The following TGFA variants were observed in gnomAD, a reference collection of about 807,000 sequenced individuals.
TGFA encodes the protein transforming growth factor alpha.
A neutral mutation model predicts 21.7 loss-of-function variants in TGFA; 12 were observed. The ratio of observed to expected loss-of-function variants is 0.55; its 90% confidence interval spans 0.35 to 0.90. The LOEUF is 0.90. Among genes scored for constraint, TGFA ranks in the 40% least tolerant of loss-of-function variants. The probability of loss-of-function intolerance (pLI) is 0.01; values close to 1 mark genes in which losing one functional copy is unlikely to be tolerated. For missense variants in TGFA, 178 were observed against 210.8 expected, an observed-to-expected ratio of 0.84 and a Z score of 0.96; for synonymous variants, 79 against 88.1, an observed-to-expected ratio of 0.90 and a Z score of 0.58.
chr2:70,500,248 T>C (rs1336425383), intron 2 of TGFA, among the ~76,000 whole-genome samples: 8 of 152,178 alleles, frequency 5.3e-5, no homozygotes, highest in Non-Finnish European at 1.2e-4. Context: ...CACATGCAAG[T>C]GGCCTGGGCA....
At chr2:70,493,766 C>T (rs537481986) in intron 2 of TGFA, among the ~76,000 whole-genome samples, 1 of 152,308 alleles carries the variant, frequency 6.6e-6, no homozygotes, top group African/African-American at 2.4e-5. Flanking sequence ...AAGAAGGGAA[C>T]CTTAGTGATG....
Position 70,449,845 on chromosome 2 carries a change from A to C in TGFA, c.*1014T>G, listed in dbSNP as rs1669996804. ...CATACTTACCGAGGGCTCACGAGGA[A>C]GTGAACCCATTTAATCACTGAGCAG... is the stretch of plus-strand genomic sequence containing the variant. On this transcript the variant is annotated 3_prime_UTR_variant, in exon 6 of 6. Coordinates refer to ENST00000295400, the MANE Select transcript of TGFA (RefSeq NM_003236.4). 1.1e-5 allele frequency: 2 copies of C among 178,182 alleles called. No individual in the cohort carries two copies. The highest frequency in any genetic ancestry group is 2.4e-4 in the South Asian group (2 of 8,350). The allele number at this position is 178,182 out of a possible 1,614,324, so 11.0% of individuals were successfully genotyped here.
chr2:70,518,394 A>C (rs1553501878), intron 1 of TGFA, among the ~76,000 whole-genome samples: 1 of 152,200 alleles, frequency 6.6e-6, no homozygotes, highest in African/African-American at 2.4e-5. Context: ...TAGAGTGGGA[A>C]CCTGGTCTGC....
At chr2:70,456,215 G>T in intron 4 of TGFA, 124 bp downstream of exon 4, 1 of 1,309,584 alleles carries the variant, frequency 7.6e-7, no homozygotes, top group Non-Finnish European at 1.0e-6. Flanking sequence ...TAGCTTTCCT[G>T]ACAGCACTCA....
At chr2:70,476,057 A>T (rs977731031) in intron 2 of TGFA, among the ~76,000 whole-genome samples, 1 of 118,800 alleles carries the variant, frequency 8.4e-6, no homozygotes, top group Non-Finnish European at 1.6e-5. Flanking sequence ...TATCCCTACT[A>T]CCTTGGTCTT....
chr2:70,535,881 A>G (rs1339065327), intron 1 of TGFA, among the ~76,000 whole-genome samples: 1 of 152,258 alleles, frequency 6.6e-6, no homozygotes, highest in Non-Finnish European at 1.5e-5. Flanking sequence ...CAACCCATAT[A>G]GGATTCAAAA....
chr2:70,462,432 T>A (rs1670432801), intron 3 of TGFA, among the ~76,000 whole-genome samples: 1 of 152,134 alleles, frequency 6.6e-6, no homozygotes, highest in African/African-American at 2.4e-5. Flanking sequence ...AGTGGCCTAG[T>A]GTAAGCAGAG....
At chr2:70,542,009 G>C (rs1673146217) in intron 1 of TGFA, among the ~76,000 whole-genome samples, 1 of 152,124 alleles carries the variant, frequency 6.6e-6, no homozygotes, top group Non-Finnish European at 1.5e-5. Context: ...GAGGTGAGAA[G>C]GGTTCCAGCC....
chr2:70,551,058 C>T (rs12617813), intron 1 of TGFA, among the ~76,000 whole-genome samples: 66,717 of 151,678 alleles, frequency 0.44, 15,278 homozygotes, highest in East Asian at 0.6. Context: ...TCTATGGGGC[C>T]CAAAGTAACA....
chr2:70,449,304 T>C lies in TGFA; in HGVS notation c.*1555A>G, dbSNP rs1377682665. 1 of 152,360 alleles carries C rather than the reference T, an allele frequency of 6.6e-6. No homozygotes were observed. Among genetic ancestry groups the C allele is most frequent in the Non-Finnish European group, 1.5e-5 (1 of 68,118 alleles). The allele number at this position is 152,360 out of a possible 1,614,324, so 9.4% of individuals were successfully genotyped here. On this transcript the variant is annotated 3_prime_UTR_variant, in exon 6 of 6. Coordinates refer to ENST00000295400, the MANE Select transcript of TGFA (RefSeq NM_003236.4). ...CAATTTAACATATTTTAAATGTACC[T>C]TTCACGATGTAATAAGCTAGGTGCA...
At chr2:70,462,565 G>A (rs542381724) in intron 3 of TGFA, among the ~76,000 whole-genome samples, 45 of 152,314 alleles carry the variant, frequency 3.0e-4, no homozygotes, top group Non-Finnish European at 5.0e-4. Context: ...GAGTGAGTCC[G>A]AGCTGAGGGG....
At chr2:70,551,716 T>TC (rs1369949743) in intron 1 of TGFA, among the ~76,000 whole-genome samples, 2 of 151,456 alleles carry the variant, frequency 1.3e-5, no homozygotes, top group Admixed American at 6.6e-5. Context: ...CTTTTTTTTT[T>TC]CTCCACTTTT....
intron 2 of TGFA, among the ~76,000 whole-genome samples, chr2:70,483,274 G>C (rs3915036): frequency 0.09 from 13,767 of 152,244 alleles, 728 homozygotes; most frequent in Non-Finnish European, 0.11. Context: ...TTTCCTGGGA[G>C]TGTCAAGTTT....
At chr2:70,549,741 G>C (rs1559148409) in intron 1 of TGFA, among the ~76,000 whole-genome samples, 2 of 152,214 alleles carry the variant, frequency 1.3e-5, no homozygotes, top group African/African-American at 4.8e-5. Context: ...TAATGGAAAA[G>C]TCATCTATTT....
chr2:70,544,643 A>G (rs1553505613), intron 1 of TGFA, among the ~76,000 whole-genome samples: 1 of 152,228 alleles, frequency 6.6e-6, no homozygotes, highest in Non-Finnish European at 1.5e-5. Flanking sequence ...CTTGGTAATT[A>G]TTTGCAGAAT....
intron 2 of TGFA, among the ~76,000 whole-genome samples, chr2:70,496,509 T>C (rs147229188): frequency 6.6e-6 from 1 of 152,260 alleles, no homozygotes; most frequent in African/African-American, 2.4e-5. Context: ...AACCATAACC[T>C]CAGACCTGAC....
intron 1 of TGFA, among the ~76,000 whole-genome samples, chr2:70,527,059 C>T (rs912820739): frequency 6.6e-6 from 1 of 152,226 alleles, no homozygotes; most frequent in African/African-American, 2.4e-5. Flanking sequence ...CTTACAAAAT[C>T]AAACACACCC....
intron 2 of TGFA, among the ~76,000 whole-genome samples, chr2:70,471,017 C>A (rs950413612): frequency 6.6e-6 from 1 of 152,042 alleles, no homozygotes; most frequent in Non-Finnish European, 1.5e-5. Flanking sequence ...CTGTAATCCA[C>A]TATGTAGAGA....
rs558488610 is a variant in TGFA, at chr2:70,514,920, G to T, written c.41-8C>A. 1.4e-5 allele frequency: 23 copies of T among 1,613,416 alleles called. No homozygotes were observed. Among genetic ancestry groups the T allele is most frequent in the Admixed American group, 1.7e-5 (1 of 59,962 alleles). On this transcript the variant is annotated splice_region_variant and splice_polypyrimidine_tract_variant and intron_variant, in intron 1 of 5. Coordinates refer to ENST00000295400, the MANE Select transcript of TGFA (RefSeq NM_003236.4). ...ACGCAGCCAACACAATACCTGTTGG[G>T]TGGAGGAGAAGAGGGAAAAGGTCAG...
Sources: allele counts gnomAD v4.1 joint callset (sites outside exome capture counted in the v4.1 genomes callset), GRCh38; gene constraint gnomAD v4.1.1; transcripts MANE v1.5; gene names NCBI Gene and HGNC (gene_info 2026-07-23, HGNC 2026-07-21).